Variants in TARP observed in about 807,000 individuals in gnomAD.
chr7:38,265,011 A>C, the TARP span, among the ~76,000 whole-genome samples: 1 of 151,000 alleles, frequency 6.6e-6, no homozygotes, highest in African/African-American at 2.5e-5. Context: ...AAGAAGGGAG[A>C]ACACTTTTTG....
At chr7:38,265,331 A>T in the TARP span, 4 of 1,568,416 alleles carry the variant, frequency 2.6e-6, no homozygotes, top group South Asian at 1.1e-5. Context: ...CTGACAGATG[A>T]TATGCGTAAA....
chr7:38,273,083 A>G, the TARP span, among the ~76,000 whole-genome samples: 1 of 151,086 alleles, frequency 6.6e-6, no homozygotes, highest in African/African-American at 2.4e-5. Context: ...CAAATAATAA[A>G]CAAACTCATT....
the TARP span, among the ~76,000 whole-genome samples, chr7:38,262,712 G>A: frequency 6.6e-5 from 10 of 151,358 alleles, no homozygotes; most frequent in African/African-American, 2.4e-4. Flanking sequence ...AGTATAGTAC[G>A]GTGTCATCAC....
the TARP span, among the ~76,000 whole-genome samples, chr7:38,265,024 C>G: frequency 6.6e-6 from 1 of 150,812 alleles, no homozygotes; most frequent in East Asian, 1.9e-4. Context: ...ACTTTTTGAG[C>G]GTTTACCACG....
the TARP span, among the ~76,000 whole-genome samples, chr7:38,268,731 G>A: frequency 1.3e-5 from 2 of 151,660 alleles, no homozygotes; most frequent in African/African-American, 2.4e-5. Flanking sequence ...AACAAGAAAC[G>A]AATCCATAAG....
the TARP span, among the ~76,000 whole-genome samples, chr7:38,271,893 T>A: frequency 2.6e-5 from 4 of 151,424 alleles, no homozygotes; most frequent in East Asian, 7.7e-4. Flanking sequence ...TTTTTAACTT[T>A]GAAAGTATGA....
the TARP span, among the ~76,000 whole-genome samples, chr7:38,271,459 T>A: frequency 6.6e-6 from 1 of 151,328 alleles, no homozygotes; most frequent in Non-Finnish European, 1.5e-5. Flanking sequence ...CTTCTAATAC[T>A]CTGCTTTGAT....
chr7:38,268,420 T>C, the TARP span, among the ~76,000 whole-genome samples: 13 of 151,668 alleles, frequency 8.6e-5, no homozygotes, highest in Non-Finnish European at 1.0e-4. Flanking sequence ...ATTTCTTATT[T>C]TTTCATTAGC....
At chr7:38,270,510 G>A in the TARP span, among the ~76,000 whole-genome samples, 2 of 151,622 alleles carry the variant, frequency 1.3e-5, no homozygotes, top group South Asian at 2.1e-4. Context: ...TTCAAAACAA[G>A]TGAGCCTTTT....
At chr7:38,267,636 C>T in the TARP span, among the ~76,000 whole-genome samples, 15 of 150,810 alleles carry the variant, frequency 9.9e-5, no homozygotes, top group African/African-American at 2.5e-4. Flanking sequence ...TAATTTCATA[C>T]TCTTTGCTTT....
At chr7:38,264,331 G>T in the TARP span, among the ~76,000 whole-genome samples, 6 of 151,764 alleles carry the variant, frequency 4.0e-5, no homozygotes, top group African/African-American at 1.5e-4. Context: ...AGTGGCTGAC[G>T]CCCATAATCC....
At chr7:38,265,435 A>G in the TARP span, 21 of 1,611,682 alleles carry the variant, frequency 1.3e-5, no homozygotes, top group African/African-American at 2.7e-5. Context: ...TTCTTTGTCC[A>G]GTGACTTTTC....
chr7:38,261,995 C>A, the TARP span, among the ~76,000 whole-genome samples: 1 of 151,418 alleles, frequency 6.6e-6, no homozygotes, highest in South Asian at 2.1e-4. Context: ...TCATCTCATA[C>A]CCCAAAGCAG....
At chr7:38,262,166 C>A in the TARP span, 1 of 1,610,796 alleles carries the variant, frequency 6.2e-7, no homozygotes, top group East Asian at 2.2e-5. Flanking sequence ...AACACAAAAG[C>A]TTACCATTTG....
the TARP span, among the ~76,000 whole-genome samples, chr7:38,267,870 A>G: frequency 1.3e-3 from 203 of 151,688 alleles, no homozygotes; most frequent in African/African-American, 4.8e-3. Flanking sequence ...ATTGTACTAA[A>G]GAAATTAAAA....
chr7:38,263,806 C>A, the TARP span, among the ~76,000 whole-genome samples: 4 of 151,716 alleles, frequency 2.6e-5, no homozygotes, highest in African/African-American at 9.7e-5. Flanking sequence ...TCACTGAGAT[C>A]TTTATTTCAT....
chr7:38,273,625 AT>A, the TARP span: 3 of 1,597,988 alleles, frequency 1.9e-6, no homozygotes, highest in Non-Finnish European at 2.5e-6. Context: ...AAATACCTTG[AT>A]TTTTTTGCCC....
chr7:38,268,354 T>A, the TARP span, among the ~76,000 whole-genome samples: 1 of 151,660 alleles, frequency 6.6e-6, no homozygotes, highest in African/African-American at 2.4e-5. Context: ...ACTACAGTTT[T>A]TAGAGACGGT....
At chr7:38,270,536 A>T in the TARP span, among the ~76,000 whole-genome samples, 1 of 151,592 alleles carries the variant, frequency 6.6e-6, no homozygotes, top group Non-Finnish European at 1.5e-5. Flanking sequence ...TCAGCAGCAC[A>T]ACTTATTTGC....
Sources: allele counts gnomAD v4.1 joint callset (sites outside exome capture counted in the v4.1 genomes callset), GRCh38; gene constraint gnomAD v4.1.1; transcripts MANE v1.5.